Variants in NOTCH2 observed in about 807,000 individuals in gnomAD.
The protein encoded by NOTCH2 is neurogenic locus notch homolog protein 2.
A neutral mutation model predicts 235.8 loss-of-function variants in NOTCH2; 29 were observed. The ratio of observed to expected loss-of-function variants is 0.12; its 90% CI spans 0.09 to 0.17. The LOEUF (loss-of-function observed/expected upper bound fraction) is 0.17. Among genes scored for constraint, NOTCH2 ranks in the 10% least tolerant of loss-of-function variants. The pLI is 1.00. For missense variants in NOTCH2, 2,285 were observed against 3,150.2 expected (o/e 0.73, Z 6.57); for synonymous variants, 1,086 against 1,141.5 (o/e 0.95, Z 0.98).
intron 25 of NOTCH2, 68 bp downstream of exon 25, chr1:119,925,237 G>T: frequency 6.2e-7 from 1 of 1,600,678 alleles, no homozygotes; most frequent in South Asian, 1.1e-5. Context: ...GTGGTTAGGA[G>T]CAAGAACGAG....
Position 119,915,661 on chromosome 1 carries a change from G to C in NOTCH2, c.7061C>G (p.Pro2354Arg), listed in dbSNP as rs745504093. The change falls in exon 34 of 34, where the codon CCC (proline) becomes CGC (arginine). Residue 2354 changes from proline (P) to arginine (R), a missense_variant. Physicochemically the swap from Pro to Arg is moderately radical, Grantham distance 103. Transcript: ENST00000256646. ...EMARLPSVAFPTAMMPQQDGQ... is the reference protein window; with the variant it reads ...EMARLPSVAFRTAMMPQQDGQ... ...GTCCTGCTGGGGCATCATGGCAGTG[G>C]GGAAAGCCACACTGGGCAAACGGGC... The C allele has an allele frequency of 1.9e-6, 3 of 1,613,958 alleles. No individual in the cohort carries two copies. In the Admixed American group the frequency reaches 5.0e-5, roughly 27 times the overall value.
intron 8 of NOTCH2, among the ~76,000 whole-genome samples, 197 bp downstream of exon 8, chr1:119,967,236 T>C (rs1651176248): frequency 1.3e-5 from 2 of 152,220 alleles, no homozygotes; most frequent in Non-Finnish European, 2.9e-5. Context: ...CATAGCTTGA[T>C]GAATTCTAGC....
intron 22 of NOTCH2, among the ~76,000 whole-genome samples, chr1:119,932,365 A>G (rs1169868025): frequency 6.6e-6 from 1 of 152,106 alleles, no homozygotes; most frequent in African/African-American, 2.4e-5. Flanking sequence ...AGGCGGGTGG[A>G]TTGCTTGAGG....
In NOTCH2 at chr1:119,937,408, C is replaced by T. The variant is rs140630687; in HGVS notation, c.3396G>A (p.Thr1132=). ...AGCCCAGGGGGCACTGACAGTAATG[C>T]GTGTTGCCAGCATTGATGCAGACAC... ...HSGVCINAGN[T]HYCQCPLGYT... is the part of the protein sequence containing the mutation. The change falls in exon 21 of 34, where the codon ACG becomes ACA. Residue 1132 remains threonine (T), a synonymous_variant. Transcript: ENST00000256646. The T allele has an allele frequency of 1.9e-5, 30 of 1,613,990 alleles. No homozygotes were observed. The highest frequency in any genetic ancestry group is 1.7e-4 in the Middle Eastern group (1 of 6,004).
At chr1:120,067,010 G>A (rs2603921) in intron 1 of NOTCH2, among the ~76,000 whole-genome samples, 3 of 150,246 alleles carry the variant, frequency 2.0e-5, no homozygotes. Flanking sequence ...GGAGCAAGAG[G>A]ATGGTCCTGG....
chr1:119,958,740 GTC>G (rs60838289), intron 12 of NOTCH2, among the ~76,000 whole-genome samples: 1 of 150,882 alleles, frequency 6.6e-6, no homozygotes, highest in Non-Finnish European at 1.5e-5. Flanking sequence ...GTGTGTGTGT[GTC>G]TGTGTGTGCG....
At chr1:119,944,422 C>A (rs1650179902) in intron 17 of NOTCH2, among the ~76,000 whole-genome samples, 1 of 151,610 alleles carries the variant, frequency 6.6e-6, no homozygotes, top group Non-Finnish European at 1.5e-5. Context: ...GTAGTCCCAG[C>A]TACTTGGCAG....
chr1:120,038,070 C>T (rs1245801312), intron 1 of NOTCH2, among the ~76,000 whole-genome samples: 2 of 152,046 alleles, frequency 1.3e-5, no homozygotes, highest in African/African-American at 4.8e-5. Flanking sequence ...TCAGTGTTTG[C>T]TGTGCTATAT....
chr1:119,973,447 G>T (rs1239989175), intron 5 of NOTCH2, among the ~76,000 whole-genome samples: 2 of 152,022 alleles, frequency 1.3e-5, no homozygotes, highest in Non-Finnish European at 2.9e-5. Context: ...GGTTCAGGAA[G>T]GTAAAAAAAA....
chr1:119,945,473 G>A (rs1360288005), intron 17 of NOTCH2, among the ~76,000 whole-genome samples: 2 of 152,062 alleles, frequency 1.3e-5, no homozygotes, highest in East Asian at 1.9e-4. Context: ...CCCAATATAC[G>A]CTCTCTACAA....
rs114764902 is a variant in NOTCH2 at position 119,924,098 on chromosome 1, C to T, written c.4512-114G>A. 2.2e-3 allele frequency: 1,925 copies of T among 880,002 alleles called. 22 individuals carry two copies. In the African/African-American group the frequency reaches 0.027, roughly 12 times the overall value. The allele number at this position is 880,002 out of a possible 1,614,324, so 54.5% of individuals were successfully genotyped here. On this transcript the variant is annotated intron_variant, in intron 25 of 33. Transcript: ENST00000256646. ...TCCTACCCATTTTCTGTGGCCCACA[C>T]CCAGGACCCAAATGCCCCACAAAAC...
In NOTCH2 at chr1:119,953,530, C is replaced by G; in HGVS notation, c.2365+13G>C. On this transcript the variant is annotated intron_variant, in intron 14 of 33. Transcript: ENST00000256646. The stretch of plus-strand genomic sequence containing the variant: ...CAAAGAGCAGACGCAGAAAGATGTA[C>G]TTTTGTTTTCACCTTTAAAGCCCTT... 1 of 1,613,932 alleles carries G rather than the reference C, an allele frequency of 6.2e-7. No individual in the cohort carries two copies. Among genetic ancestry groups the G allele is most frequent in the South Asian group, 1.1e-5 (1 of 91,082 alleles).
chr1:120,067,389 C>A (rs75597680), intron 1 of NOTCH2, among the ~76,000 whole-genome samples: 404 of 152,004 alleles, frequency 2.7e-3, no homozygotes, highest in African/African-American at 8.9e-3. Flanking sequence ...AGCACCTCAG[C>A]AGAGCAGAGG....
At chr1:120,058,191 A>C (rs1174978207) in intron 1 of NOTCH2, among the ~76,000 whole-genome samples, 1 of 152,168 alleles carries the variant, frequency 6.6e-6, no homozygotes, top group South Asian at 2.1e-4. Context: ...AAAGAAAAAA[A>C]AATCTGATGT....
rs2101145319 is a variant in NOTCH2, at chr1:119,968,105, G to A, written c.1236C>T (p.Cys412=). The change falls in exon 7 of 34, where the codon TGC becomes TGT. Residue 412 remains cysteine, a synonymous_variant. Transcript: ENST00000256646. ...TCPQGYKGAD[C]TEDVDECAMA... Reference sequence around the variant, plus strand: ...TGGCACATTCATCCACATCTTCTGTGCAGTCAGCCCCTTTGTAGCCTTGTG... The same window carrying A: ...TGGCACATTCATCCACATCTTCTGTACAGTCAGCCCCTTTGTAGCCTTGTG... 2 of 1,614,096 alleles carry A rather than the reference G, an allele frequency of 1.2e-6. No individual in the cohort carries two copies. Among genetic ancestry groups the A allele is most frequent in the Admixed American group, 3.3e-5 (2 of 60,032 alleles).
Position 119,929,328 on chromosome 1 carries a change from G to C in NOTCH2, c.3656-116C>G, listed in dbSNP as rs782533937. The C allele has an allele frequency of 3.6e-6, 3 of 829,934 alleles. No homozygotes were observed. The Admixed American group carries it at 5.8e-5, about 16-fold the overall frequency. The allele number at this position is 829,934 out of a possible 1,614,324, so 51.4% of individuals were successfully genotyped here. ...TGAATCAGAGTATACTCCTCAACTG[G>C]TAGTGGGACCTTGTAGTTGGGCAGG... On this transcript the variant is annotated intron_variant, in intron 22 of 33. Transcript: ENST00000256646.
At chr1:120,048,597 C>T (rs1654895423) in intron 1 of NOTCH2, among the ~76,000 whole-genome samples, 1 of 146,544 alleles carries the variant, frequency 6.8e-6, no homozygotes, top group African/African-American at 2.6e-5. Context: ...CACAGGTGTG[C>T]ACCCCCACTC....
intron 1 of NOTCH2, among the ~76,000 whole-genome samples, chr1:120,065,468 A>T (rs1553216923): frequency 6.6e-6 from 1 of 152,228 alleles, no homozygotes; most frequent in Non-Finnish European, 1.5e-5. Context: ...TGTGCACATA[A>T]GCGCATTTGT....
chr1:119,966,363 C>T lies in NOTCH2; in HGVS notation c.1567+13G>A, dbSNP rs1252524977. On this transcript the variant is annotated intron_variant, in intron 9 of 33. Coordinates refer to ENST00000256646, the MANE Select transcript of NOTCH2 (RefSeq NM_024408.4). ...GCTTTAAGAGAAAACAGGGCCAGGT[C>T]GTGGGCACTTACCAGGAGGACACAG... 11 of 1,580,932 alleles carry T rather than the reference C, an allele frequency of 7.0e-6. No homozygotes were observed. Among genetic ancestry groups the T allele is most frequent in the South Asian group, 4.4e-5 (4 of 90,468 alleles).
Sources: gnomAD v4.1 joint callset for allele counts (sites outside exome capture counted in the v4.1 genomes callset) on GRCh38, gnomAD v4.1.1 for gene constraint, MANE v1.5 for transcripts, NCBI Gene and HGNC (gene_info 2026-07-23, HGNC 2026-07-21) for gene names.